The following SOX5 variants were observed in gnomAD, a reference collection of about 807,000 sequenced individuals.
SOX5 encodes the protein SRY-box transcription factor 5, also known as transcription factor SOX-5.
A neutral mutation model predicts 92.0 loss-of-function variants in SOX5; 9 were observed. That is an observed-to-expected ratio of 0.10 (90% CI 0.06 to 0.17). SOX5 has a LOEUF of 0.17. SOX5 is among the 10% of genes least tolerant of loss of function. The pLI is 1.00. For missense variants in SOX5, 642 were observed against 944.5 expected (o/e 0.68, Z 4.20); for synonymous variants, 344 against 336.3 (o/e 1.02, Z -0.25).
chr12:24,394,362 T>C (rs956451957), intron 1 of SOX5, among the ~76,000 whole-genome samples: 13 of 152,172 alleles, frequency 8.5e-5, no homozygotes, highest in Non-Finnish European at 1.6e-4. Flanking sequence ...CCTACAGATT[T>C]CAGGAATCAT....
chr12:23,609,388 T>C (rs796097412), intron 8 of SOX5, among the ~76,000 whole-genome samples: 8 of 152,312 alleles, frequency 5.3e-5, no homozygotes, highest in African/African-American at 1.9e-4. Flanking sequence ...ATATCAGCTA[T>C]GAAATTATCA....
chr12:23,727,148 C>G (rs2093177109), intron 6 of SOX5, among the ~76,000 whole-genome samples: 1 of 152,074 alleles, frequency 6.6e-6, no homozygotes, highest in Non-Finnish European at 1.5e-5. Context: ...CAGCTCAAGT[C>G]AGGATGAGTT....
intron 3 of SOX5, among the ~76,000 whole-genome samples, chr12:23,839,005 A>ATT (rs200262997): frequency 7.2e-6 from 1 of 138,214 alleles, no homozygotes; most frequent in Admixed American, 7.2e-5. Flanking sequence ...ACACCCAGCT[A>ATT]TTTTTTTTTT....
intron 2 of SOX5, among the ~76,000 whole-genome samples, chr12:24,362,662 T>C (rs1002457717): frequency 2.0e-5 from 3 of 152,138 alleles, no homozygotes; most frequent in African/African-American, 7.2e-5. Context: ...ATGACAGGAC[T>C]CTGTGATCAG....
At chr12:23,909,044 T>G (rs944220411) in intron 1 of SOX5, among the ~76,000 whole-genome samples, 3 of 150,848 alleles carry the variant, frequency 2.0e-5, no homozygotes, top group Non-Finnish European at 4.4e-5. Flanking sequence ...ACCCCCAAAA[T>G]AAAAATTCAA....
intron 1 of SOX5, among the ~76,000 whole-genome samples, chr12:23,915,271 A>G (rs546795285): frequency 4.1e-4 from 63 of 152,304 alleles, no homozygotes; most frequent in Non-Finnish European, 7.1e-4. Flanking sequence ...ATTGAATTGA[A>G]TATCATTTAA....
At chr12:24,362,683 G>A (rs768642082) in intron 2 of SOX5, among the ~76,000 whole-genome samples, 5 of 152,020 alleles carry the variant, frequency 3.3e-5, no homozygotes, top group African/African-American at 7.3e-5. Flanking sequence ...GTAAGGAGTC[G>A]ACACCAGGAA....
intron 3 of SOX5, among the ~76,000 whole-genome samples, chr12:23,785,676 G>A (rs1224292363): frequency 6.6e-6 from 1 of 151,996 alleles, no homozygotes; most frequent in African/African-American, 2.4e-5. Flanking sequence ...ATAATGCTAT[G>A]CATTTAAAAA....
intron 2 of SOX5, among the ~76,000 whole-genome samples, chr12:24,292,145 T>C (rs1946685554): frequency 6.6e-6 from 1 of 152,182 alleles, no homozygotes; most frequent in African/African-American, 2.4e-5. Context: ...AACACAGTTG[T>C]TTCTAGTTCT....
intron 3 of SOX5, among the ~76,000 whole-genome samples, chr12:24,220,895 G>A (rs144894742): frequency 1.3e-5 from 2 of 152,246 alleles, no homozygotes; most frequent in East Asian, 3.9e-4. Context: ...TGTAGTAGCC[G>A]AAAGTCTGAA....
chr12:24,136,269 G>A (rs1299268986), intron 4 of SOX5, among the ~76,000 whole-genome samples: 5 of 152,172 alleles, frequency 3.3e-5, no homozygotes, highest in African/African-American at 1.2e-4. Context: ...AATCCTAAGG[G>A]GAGACACGCA....
chr12:24,546,748 A>G (rs1359598284), intron 1 of SOX5, among the ~76,000 whole-genome samples: 2 of 152,224 alleles, frequency 1.3e-5, no homozygotes, highest in Admixed American at 6.5e-5. Flanking sequence ...AAAGTTGGTG[A>G]GCCTTTTATC....
intron 6 of SOX5, among the ~76,000 whole-genome samples, chr12:23,701,234 A>C (rs1025527458): frequency 6.6e-6 from 1 of 152,052 alleles, no homozygotes; most frequent in Non-Finnish European, 1.5e-5. Flanking sequence ...GGTAGTGCTC[A>C]GTGTGTGCCA....
chr12:23,829,344 T>C (rs2096279494), intron 3 of SOX5, among the ~76,000 whole-genome samples: 3 of 152,074 alleles, frequency 2.0e-5, no homozygotes, highest in African/African-American at 7.2e-5. Context: ...TTGACAAATC[T>C]GTTTCAGAAA....
intron 9 of SOX5, among the ~76,000 whole-genome samples, chr12:23,601,830 A>G (rs1027375909): frequency 1.3e-5 from 2 of 152,144 alleles, no homozygotes; most frequent in Non-Finnish European, 2.9e-5. Context: ...TTAACCCACT[A>G]CATTTTACTG....
intron 1 of SOX5, among the ~76,000 whole-genome samples, chr12:24,521,243 CAG>C (rs964002927): frequency 2.0e-5 from 3 of 152,082 alleles, no homozygotes; most frequent in Admixed American, 2.0e-4. Flanking sequence ...TTAGTAGAGA[CAG>C]GGTTTCACCA....
chr12:24,098,305 C>T (rs1004293096), intron 4 of SOX5, among the ~76,000 whole-genome samples: 3 of 152,126 alleles, frequency 2.0e-5, no homozygotes, highest in East Asian at 3.9e-4. Context: ...AAATTTCCTG[C>T]TCTTGGGGTT....
chr12:24,235,154 C>T (rs1006630627), intron 3 of SOX5, among the ~76,000 whole-genome samples: 25 of 152,200 alleles, frequency 1.6e-4, no homozygotes, highest in Admixed American at 1.5e-3. Context: ...CGATTTGCTA[C>T]ATTATTCTGC....
Position 23,790,518 on chromosome 12 carries a change from ACT to A in SOX5, c.482-34796_482-34795del, listed in dbSNP as rs1555343712. Among the ~76,000 whole-genome samples, 434 of 80,146 alleles carry A rather than the reference ACT, an allele frequency of 5.4e-3. 2 individuals are homozygous for A. The highest frequency in any genetic ancestry group is 9.0e-3 in the Non-Finnish European group (345 of 38,320). The allele number at this position is 80,146 out of a possible 152,430, so 52.6% of individuals were successfully genotyped here. ...CCTGCCCTCCCTGGTACCTCTCACA[ACT>A]CTCTCTCTCTCTCTCTCTCTCAATC... On this transcript the variant is annotated intron_variant, in intron 3 of 14. Transcript: ENST00000451604.
Sources: gnomAD v4.1 joint callset for allele counts (sites outside exome capture counted in the v4.1 genomes callset) on GRCh38, gnomAD v4.1.1 for gene constraint, MANE v1.5 for transcripts, NCBI Gene and HGNC (gene_info 2026-07-23, HGNC 2026-07-21) for gene names.